Variants in METTL15 observed in about 807,000 individuals in gnomAD.
METTL15 encodes the protein 12S rRNA N(4)-cytidine methyltransferase METTL15.
In METTL15, 34 loss-of-function variants were observed where a neutral mutation model predicts 38.3. The ratio of observed to expected loss-of-function variants is 0.89; its 90% CI spans 0.68 to 1.18. The LOEUF (loss-of-function observed/expected upper bound fraction) is 1.18. Ranked by LOEUF, METTL15 falls within the 50% of genes most tolerant of loss-of-function variation. METTL15 has a pLI of 0.00. For synonymous variants in METTL15, 162 were observed against 170.9 expected (o/e 0.95, Z 0.41); for missense variants, 438 against 498.4 (o/e 0.88, Z 1.15).
chr11:28,349,502 A>G (rs1212816533), intron 3 of METTL15, among the ~76,000 whole-genome samples: 1 of 152,242 alleles, frequency 6.6e-6, no homozygotes, highest in Non-Finnish European at 1.5e-5. Context: ...TTAATTGCTT[A>G]CTATTTGCTT....
At chr11:28,129,865 C>T (rs1399446194) in intron 3 of METTL15, among the ~76,000 whole-genome samples, 1 of 152,014 alleles carries the variant, frequency 6.6e-6, no homozygotes, top group Non-Finnish European at 1.5e-5. Context: ...AAACTATGCC[C>T]AGAAGATTTA....
chr11:28,492,704 C>T (rs149397197), intron 6 of METTL15, among the ~76,000 whole-genome samples: 7 of 152,124 alleles, frequency 4.6e-5, no homozygotes, highest in South Asian at 4.1e-4. Context: ...GCATTTACAG[C>T]GTTTGTAGCA....
chr11:28,154,850 ATC>A lies in METTL15; in HGVS notation c.270+41252_270+41253del, dbSNP rs749255958. On this transcript the variant is annotated intron_variant, in intron 3 of 6. Transcript: ENST00000407364. ...TCTCAGTTCTCTCTCACAAAGGAGT[ATC>A]TCTCTAATTTATGCATTTGAATTTG... Among the ~76,000 whole-genome samples the A allele has an allele frequency of 3.3e-5, 5 of 152,272 alleles. No homozygotes were observed. The South Asian group carries it at 8.3e-4, about 25-fold the overall frequency.
At chr11:28,516,028 T>C (rs1366992540) in intron 6 of METTL15, among the ~76,000 whole-genome samples, 1 of 152,236 alleles carries the variant, frequency 6.6e-6, no homozygotes, top group East Asian at 1.9e-4. Context: ...ACTTAATTAG[T>C]TCATACTCAT....
In METTL15 at chr11:28,301,395, T is replaced by TA. The variant is rs1286056727; in HGVS notation, c.778+4465dup. Among the ~76,000 whole-genome samples the TA allele has an allele frequency of 2.6e-5, 4 of 152,256 alleles. No individual in the cohort carries two copies. The East Asian group carries it at 7.8e-4, about 30-fold the overall frequency. ...ACTCACATTAGTTGAGATGGTCTCC[T>TA]ATGTGCTACCATTGCACTGCATTCC... On this transcript the variant is annotated intron_variant, in intron 6 of 6. Coordinates refer to ENST00000407364, the MANE Select transcript of METTL15 (RefSeq NM_001113528.2).
At chr11:28,135,713 A>G (rs1199358925) in intron 3 of METTL15, among the ~76,000 whole-genome samples, 2 of 152,244 alleles carry the variant, frequency 1.3e-5, no homozygotes, top group East Asian at 1.9e-4. Context: ...AATACTCACA[A>G]ATAGTTTCCA....
intron 6 of METTL15, among the ~76,000 whole-genome samples, chr11:28,441,448 C>T (rs1851034210): frequency 6.6e-6 from 1 of 152,162 alleles, no homozygotes; most frequent in African/African-American, 2.4e-5. Context: ...TGGTACTTCT[C>T]TTCTGTTTCT....
At chr11:28,208,207 G>A (rs1485691881) in intron 3 of METTL15, among the ~76,000 whole-genome samples, 2 of 152,094 alleles carry the variant, frequency 1.3e-5, no homozygotes, top group Non-Finnish European at 2.9e-5. Flanking sequence ...ATGTTAGGGT[G>A]TCAGTTTTTG....
chr11:28,468,980 A>G (rs1484327476), intron 6 of METTL15, among the ~76,000 whole-genome samples: 2 of 152,196 alleles, frequency 1.3e-5, no homozygotes, highest in African/African-American at 2.4e-5. Context: ...TTGTACACAT[A>G]ATGTAACCTT....
intron 5 of METTL15, among the ~76,000 whole-genome samples, chr11:28,388,192 G>C (rs555533542): frequency 8.5e-5 from 13 of 152,150 alleles, no homozygotes. Flanking sequence ...ATTCAATATA[G>C]TGCTGGAAGT....
chr11:28,276,120 T>G (rs1590249376), intron 4 of METTL15, among the ~76,000 whole-genome samples: 1 of 151,994 alleles, frequency 6.6e-6, no homozygotes, highest in South Asian at 2.1e-4. Context: ...GAGAAAGAAA[T>G]AAGTCATCCA....
At chr11:28,523,422 T>G (rs1851783954) in intron 6 of METTL15, among the ~76,000 whole-genome samples, 2 of 152,214 alleles carry the variant, frequency 1.3e-5, no homozygotes, top group South Asian at 4.1e-4. Context: ...TTTGAATCTA[T>G]GTGTTGAAAA....
chr11:28,352,911 C>CAGTT (rs1850054544), intron 4 of METTL15, among the ~76,000 whole-genome samples: 1 of 152,126 alleles, frequency 6.6e-6, no homozygotes, highest in African/African-American at 2.4e-5. Flanking sequence ...TTTATAATAT[C>CAGTT]AGTTGCATGA....
intron 3 of METTL15, among the ~76,000 whole-genome samples, chr11:28,182,028 G>A (rs1051527657): frequency 3.3e-5 from 5 of 152,014 alleles, no homozygotes; most frequent in South Asian, 2.1e-4. Context: ...GCATGTTTTC[G>A]TATGTTTGTT....
chr11:28,289,367 A>G (rs1856417643), intron 4 of METTL15, among the ~76,000 whole-genome samples: 1 of 152,202 alleles, frequency 6.6e-6, no homozygotes. Context: ...CATACCATGT[A>G]AGTAAATATC....
intron 3 of METTL15, among the ~76,000 whole-genome samples, chr11:28,147,238 T>C (rs1849919262): frequency 6.6e-6 from 1 of 151,978 alleles, no homozygotes; most frequent in African/African-American, 2.4e-5. Flanking sequence ...CTCAACAATA[T>C]CTGTATAATA....
At chr11:28,192,404 T>G (rs1229922583) in intron 3 of METTL15, among the ~76,000 whole-genome samples, 2 of 151,860 alleles carry the variant, frequency 1.3e-5, no homozygotes, top group African/African-American at 4.8e-5. Context: ...TAGTTATTCC[T>G]TTTATATATT....
At chr11:28,111,214 A>G (rs1382034523) in intron 2 of METTL15, among the ~76,000 whole-genome samples, 1 of 152,238 alleles carries the variant, frequency 6.6e-6, no homozygotes, top group Non-Finnish European at 1.5e-5. Flanking sequence ...TTGAATAAAC[A>G]CATAGAGACT....
intron 3 of METTL15, among the ~76,000 whole-genome samples, chr11:28,157,237 T>G (rs1850294330): frequency 6.6e-6 from 1 of 152,200 alleles, no homozygotes; most frequent in Admixed American, 6.5e-5. Context: ...AACACATTCC[T>G]CATTTGGGTG....
Sources: gnomAD v4.1 joint callset for allele counts (sites outside exome capture counted in the v4.1 genomes callset) on GRCh38, gnomAD v4.1.1 for gene constraint, MANE v1.5 for transcripts, NCBI Gene and HGNC (gene_info 2026-07-23, HGNC 2026-07-21) for gene names.